The following OR5T1 variants were observed in gnomAD, a reference collection of about 807,000 sequenced individuals.
OR5T1 encodes the protein olfactory receptor 5T1.
A neutral mutation model predicts 10.1 loss-of-function variants in OR5T1; 14 were observed. That is an observed-to-expected ratio of 1.39 (90% CI 0.92 to 2.18). OR5T1 has a LOEUF of 2.18. Ranked by LOEUF, OR5T1 falls within the 30% of genes most tolerant of loss-of-function variation. The pLI, the probability that OR5T1 is intolerant of heterozygous loss-of-function variation, is 0.00. For synonymous variants in OR5T1, 166 were observed against 141.2 expected (o/e 1.18, Z -1.24); for missense variants, 461 against 383.9 (o/e 1.20, Z -1.68).
Position 56,275,775 on chromosome 11 carries a change from T to A in OR5T1, c.137T>A (p.Ile46Asn). The A allele has an allele frequency of 3.1e-6, 5 of 1,612,918 alleles. No homozygotes were observed. The highest frequency in any genetic ancestry group is 4.2e-6 in the Non-Finnish European group (5 of 1,179,006). ...QVFLFLLFLA[I>N]YLFTLIGNLG... Reference sequence around the variant, plus strand: ...TTCCTATTTTTATTATTTTTAGCAATCTATCTATTCACTCTAATAGGCAAT... The same window carrying A: ...TTCCTATTTTTATTATTTTTAGCAAACTATCTATTCACTCTAATAGGCAAT... The change falls in exon 3 of 3, where the codon ATC becomes AAC. Residue 46 changes from isoleucine (I) to asparagine (N), a missense_variant. Ile to Asn is a moderately radical substitution (Grantham distance 149). Coordinates refer to ENST00000641665, the MANE Select transcript of OR5T1 (RefSeq NM_001004745.2).
intron 2 of OR5T1, 150 bp downstream of exon 2, chr11:56,274,903 A>G (rs1853916595): frequency 6.6e-6 from 1 of 152,206 alleles, no homozygotes. Flanking sequence ...ATATTAAATA[A>G]CTTACATACT....
rs1853925853 is a variant in OR5T1, at chr11:56,275,540, A to ATTTCATCTTGC, written c.-95_-85dup. On this transcript the variant is annotated 5_prime_UTR_variant, in exon 3 of 3. The change abolishes the stop of an existing upstream ORF in the 5' untranslated region. Transcript: ENST00000641665. Reference sequence around the variant, plus strand: ...ACCACCTGTGCATTTGCTGACAAGGATTTCATCTTGCTTTTCCAAGAAACG... The same window carrying ATTTCATCTTGC: ...ACCACCTGTGCATTTGCTGACAAGGATTTCATCTTGCTTTCATCTTGCTTTTCCAAGAAACG... The ATTTCATCTTGC allele has an allele frequency of 5.7e-5, 54 of 952,018 alleles. 1 individual carries two copies. In the South Asian group the frequency reaches 9.1e-4, roughly 16 times the overall value. 59.0% of individuals were successfully genotyped at this position (952,018 alleles called of 1,614,324 possible).
At chr11:56,274,886 T>A (rs569290330) in intron 2 of OR5T1, 133 bp downstream of exon 2, 1 of 152,316 alleles carries the variant, frequency 6.6e-6, no homozygotes, top group Admixed American at 6.5e-5. Flanking sequence ...TATCTGGGCA[T>A]ATTTAAATAT....
Position 56,276,462 on chromosome 11 carries a change from G to A in OR5T1, c.824G>A (p.Ser275Asn), listed in dbSNP as rs372719119. 1.3e-5 allele frequency: 21 copies of A among 1,613,948 alleles called. No homozygotes were observed. The highest frequency in any genetic ancestry group is 1.6e-4 in the Middle Eastern group (1 of 6,084). Residue 275 changes from serine to asparagine, a missense_variant, in exon 3 of 3, where the codon AGT (serine) becomes AAT (asparagine). Physicochemically the swap from Ser to Asn is conservative, Grantham distance 46. Transcript: ENST00000641665. ...GTILFMYVRP[S>N]SSYTSDNDMI... ...ATCCTCTTCATGTATGTGAGACCAA[G>A]TTCCAGCTACACTTCGGACAATGAC...
In OR5T1 at chr11:56,276,023, GCAATGGCTTAT is replaced by G. The variant is rs1234667984; in HGVS notation, c.386_396del (p.Ala129GlyfsTer32). 1 of 1,614,044 alleles carries G rather than the reference GCAATGGCTTAT, an allele frequency of 6.2e-7. No homozygotes were observed. Among genetic ancestry groups the G allele is most frequent in the Non-Finnish European group, 8.5e-7 (1 of 1,180,040 alleles). ...AACCACAGAATGCTTTCTCTTGGCT[GCAATGGCTTAT>G]GATCGCTATGTAGCCATCTACAACC... On this transcript the variant is annotated frameshift_variant, in exon 3 of 3. Transcript: ENST00000641665. LOFTEE classifies it high-confidence loss of function.
chr11:56,274,412 G>T (rs12273893), intron 1 of OR5T1, among the ~76,000 whole-genome samples: 3,510 of 152,116 alleles, frequency 0.023, 125 homozygotes, highest in African/African-American at 0.079. Context: ...TTATTTTATA[G>T]AAATTTCAGA....
chr11:56,274,330 T>C (rs568330459), intron 1 of OR5T1, among the ~76,000 whole-genome samples, 158 bp downstream of exon 1: 9 of 152,232 alleles, frequency 5.9e-5, no homozygotes, highest in African/African-American at 2.2e-4. Context: ...CCAAGGATCA[T>C]AGGAGAGAAT....
chr11:56,275,019 G>T (rs61888279), intron 2 of OR5T1, among the ~76,000 whole-genome samples: 8,687 of 152,086 alleles, frequency 0.057, 367 homozygotes, highest in Non-Finnish European at 0.084. Flanking sequence ...AGAAAACCTA[G>T]GAATAGCACT....
In OR5T1 at chr11:56,276,772, C is replaced by A; in HGVS notation, c.*153C>A. 1 of 614,338 alleles carries A rather than the reference C, an allele frequency of 1.6e-6. No homozygotes were observed. Among genetic ancestry groups the A allele is most frequent in the Admixed American group, 3.1e-5 (1 of 32,192 alleles). The allele number at this position is 614,338 out of a possible 1,614,324, so 38.1% of individuals were successfully genotyped here. On this transcript the variant is annotated 3_prime_UTR_variant, in exon 3 of 3. Transcript: ENST00000641665. Reference sequence around the variant, plus strand: ...AAGCATCAATCAGCCTACTAATTCACCATTTTAGAAATATCAATATATTGT... The same window carrying A: ...AAGCATCAATCAGCCTACTAATTCAACATTTTAGAAATATCAATATATTGT...
intron 1 of OR5T1, 74 bp from the exon 2 acceptor site, chr11:56,274,562 T>C (rs1388610288): frequency 6.6e-6 from 1 of 151,952 alleles, no homozygotes; most frequent in African/African-American, 2.4e-5. Flanking sequence ...GGTTTTAAGT[T>C]AAAATCTGAA....
At chr11:56,274,587 A>T (rs1853913271) in intron 1 of OR5T1, 49 bp from the exon 2 acceptor site, 1 of 152,158 alleles carries the variant, frequency 6.6e-6, no homozygotes, top group African/African-American at 2.4e-5. Flanking sequence ...AATAATGCTT[A>T]AAAAAACTGC....
chr11:56,275,382 G>C (rs1406237782), intron 2 of OR5T1, 104 bp from the exon 3 acceptor site: 1 of 324,116 alleles, frequency 3.1e-6, no homozygotes, highest in East Asian at 5.3e-5. Context: ...TTCGGTTCTT[G>C]AGATAGTTTG....
intron 2 of OR5T1, 112 bp from the exon 3 acceptor site, chr11:56,275,374 C>T (rs919961220): frequency 3.3e-5 from 10 of 302,004 alleles, no homozygotes; most frequent in East Asian, 1.8e-4. Flanking sequence ...GTTTGGTTTT[C>T]GGTTCTTGAG....
Sources: allele counts gnomAD v4.1 joint callset (sites outside exome capture counted in the v4.1 genomes callset), GRCh38; gene constraint gnomAD v4.1.1; transcripts MANE v1.5; gene names NCBI Gene and HGNC (gene_info 2026-07-23, HGNC 2026-07-21).